The following HMCN1 variants were observed in gnomAD, a reference collection of about 807,000 sequenced individuals.
HMCN1 encodes hemicentin-1.
A neutral mutation model predicts 625.9 loss-of-function variants in HMCN1; 321 were observed. The ratio of observed to expected loss-of-function variants is 0.51; its 90% CI spans 0.47 to 0.56. The LOEUF is 0.56. Ranked by LOEUF, HMCN1 falls within the 20% of genes least tolerant of loss-of-function variation. The pLI is 0.00. For missense variants in HMCN1, 6,588 were observed against 6,887.3 expected (o/e 0.96, Z 1.54); for synonymous variants, 2,425 against 2,417.6 (o/e 1.00, Z -0.09).
chr1:185,833,079 C>G (rs1660963663), intron 1 of HMCN1, among the ~76,000 whole-genome samples: 1 of 152,082 alleles, frequency 6.6e-6, no homozygotes, highest in Non-Finnish European at 1.5e-5. Context: ...GTTATTTTGT[C>G]TCTTTGCTTT....
chr1:186,157,364 T>A (rs1651091637), intron 97 of HMCN1, among the ~76,000 whole-genome samples: 1 of 152,166 alleles, frequency 6.6e-6, no homozygotes, highest in Non-Finnish European at 1.5e-5. Flanking sequence ...TGAAAATCAA[T>A]AAAAGGAAAA....
intron 4 of HMCN1, among the ~76,000 whole-genome samples, chr1:185,878,998 A>G (rs140722839): frequency 3.2e-4 from 48 of 152,210 alleles, no homozygotes; most frequent in African/African-American, 1.1e-3. Context: ...TTTGCTCTTG[A>G]TATTAGCACA....
chr1:186,126,767 G>A lies in HMCN1; in HGVS notation c.12690+973G>A, dbSNP rs993414643. ...TGATAAATGGAGGCCAAATCATGTC[G>A]GGTCTTACAGGTCATTGTAACAATT... is the stretch of plus-strand genomic sequence containing the variant. On this transcript the variant is annotated intron_variant, in intron 82 of 106. Transcript: ENST00000271588. Among the ~76,000 whole-genome samples the A allele has an allele frequency of 5.8e-4, 88 of 152,108 alleles. 1 individual carries two copies. Among genetic ancestry groups the A allele is most frequent in the African/African-American group, 2.1e-3 (85 of 41,436 alleles).
At chr1:185,882,105 A>G (rs1664344642) in intron 4 of HMCN1, among the ~76,000 whole-genome samples, 1 of 152,186 alleles carries the variant, frequency 6.6e-6, no homozygotes, top group Non-Finnish European at 1.5e-5. Flanking sequence ...AGAGTTAATG[A>G]CTTTTTTTGA....
intron 1 of HMCN1, among the ~76,000 whole-genome samples, chr1:185,737,332 A>G (rs1423450475): frequency 6.6e-6 from 1 of 151,824 alleles, no homozygotes; most frequent in Non-Finnish European, 1.5e-5. Context: ...TTTTTTTCAT[A>G]GAGACAGGGG....
intron 21 of HMCN1, 23 bp downstream of exon 21, chr1:185,989,670 T>G (rs1020127571): frequency 6.2e-7 from 1 of 1,612,250 alleles, no homozygotes; most frequent in African/African-American, 1.3e-5. Flanking sequence ...GGAGGAATGG[T>G]TTTTATTGAC....
chr1:186,096,322 A>C (rs753799985), intron 68 of HMCN1, among the ~76,000 whole-genome samples: 1 of 152,126 alleles, frequency 6.6e-6, no homozygotes, highest in Non-Finnish European at 1.5e-5. Context: ...CTTCATCCCT[A>C]GTTAAGCTTT....
intron 1 of HMCN1, among the ~76,000 whole-genome samples, chr1:185,752,955 C>G (rs977982940): frequency 3.9e-5 from 6 of 152,036 alleles, no homozygotes; most frequent in African/African-American, 1.4e-4. Flanking sequence ...GCAAACCAAT[C>G]TAGCAATATA....
At chr1:185,746,108 G>A (rs1481141406) in intron 1 of HMCN1, among the ~76,000 whole-genome samples, 3 of 152,184 alleles carry the variant, frequency 2.0e-5, no homozygotes, top group Non-Finnish European at 4.4e-5. Context: ...ACAATATGGA[G>A]CTCAACAGGA....
At chr1:185,977,536 A>C (rs1651304244) in intron 15 of HMCN1, among the ~76,000 whole-genome samples, 1 of 152,144 alleles carries the variant, frequency 6.6e-6, no homozygotes, top group South Asian at 2.1e-4. Flanking sequence ...TTATAATTTG[A>C]AGTCCCATGC....
intron 89 of HMCN1, 101 bp from the exon 90 acceptor site, chr1:186,144,072 G>A (rs1650130491): frequency 1.0e-6 from 1 of 967,014 alleles, no homozygotes. Context: ...CTCTTAGATT[G>A]GGGACTAATT....
chr1:185,969,385 C>T (rs1245749510), intron 14 of HMCN1, among the ~76,000 whole-genome samples: 2 of 152,084 alleles, frequency 1.3e-5, no homozygotes, highest in Non-Finnish European at 2.9e-5. Context: ...GCTCTTGTGA[C>T]CTCCTTGCCT....
Position 186,117,450 on chromosome 1 carries a change from T to C in HMCN1, c.11684-9T>C. The C allele has an allele frequency of 3.7e-6, 6 of 1,613,314 alleles. No individual in the cohort carries two copies. Among genetic ancestry groups the C allele is most frequent in the Non-Finnish European group, 4.2e-6 (5 of 1,179,472 alleles). On this transcript the variant is annotated splice_polypyrimidine_tract_variant and intron_variant, in intron 76 of 106. Coordinates refer to ENST00000271588, the MANE Select transcript of HMCN1 (RefSeq NM_031935.3). ...GTTTTTTCCCTTTTTGTTGTTGTTGTTGTTTTAGTTCCACCTTCCATAGCT... is the reference window on the plus strand; with the variant it reads ...GTTTTTTCCCTTTTTGTTGTTGTTGCTGTTTTAGTTCCACCTTCCATAGCT...
At chr1:185,850,332 T>C (rs141724963) in intron 2 of HMCN1, among the ~76,000 whole-genome samples, 2 of 152,286 alleles carry the variant, frequency 1.3e-5, no homozygotes, top group East Asian at 3.9e-4. Flanking sequence ...GGCCAAGTAA[T>C]GGGAATTTCT....
chr1:186,092,817 A>C (rs1324382653), intron 64 of HMCN1, among the ~76,000 whole-genome samples: 3 of 152,066 alleles, frequency 2.0e-5, no homozygotes, highest in Non-Finnish European at 4.4e-5. Flanking sequence ...TCATTGTAAC[A>C]GTCTTCAATT....
intron 1 of HMCN1, among the ~76,000 whole-genome samples, chr1:185,760,637 C>T (rs1211228373): frequency 2.0e-5 from 3 of 151,848 alleles, no homozygotes; most frequent in South Asian, 2.1e-4. Flanking sequence ...ATAGGGCATA[C>T]AGTGTGTGGA....
At chr1:186,040,905 T>C in intron 39 of HMCN1, 108 bp from the exon 40 acceptor site, 3 of 1,230,686 alleles carry the variant, frequency 2.4e-6, no homozygotes, top group Non-Finnish European at 3.6e-6. Flanking sequence ...AAAATCTTCC[T>C]AAAAGGCAAA....
At chr1:186,098,255 G>GT (rs1198442095) in intron 68 of HMCN1, among the ~76,000 whole-genome samples, 2 of 152,092 alleles carry the variant, frequency 1.3e-5, no homozygotes, top group African/African-American at 4.8e-5. Flanking sequence ...ATTCAACAAA[G>GT]TGAAGAGACA....
intron 8 of HMCN1, among the ~76,000 whole-genome samples, 172 bp downstream of exon 8, chr1:185,923,825 A>G (rs1558068435): frequency 6.6e-6 from 1 of 152,220 alleles, no homozygotes; most frequent in African/African-American, 2.4e-5. Flanking sequence ...TAGCTGTTAA[A>G]TAGCACATCC....
Sources: gnomAD v4.1 joint callset for allele counts (sites outside exome capture counted in the v4.1 genomes callset) on GRCh38, gnomAD v4.1.1 for gene constraint, MANE v1.5 for transcripts, NCBI Gene and HGNC (gene_info 2026-07-23, HGNC 2026-07-21) for gene names.